The following CAB39 variants were observed in gnomAD, a reference collection of about 807,000 sequenced individuals.
CAB39 encodes calcium binding protein 39.
Under a neutral mutation model 40.0 loss-of-function variants are expected in CAB39, and 8 were observed. The observed-to-expected ratio is 0.20, with a 90% confidence interval of 0.12 to 0.36. The LOEUF (loss-of-function observed/expected upper bound fraction) is 0.36. Among genes scored for constraint, CAB39 ranks in the 10% least tolerant of loss-of-function variants. The pLI is 1.00. For synonymous variants in CAB39, 156 were observed against 141.6 expected (o/e 1.10, Z -0.72); for missense variants, 270 against 401.1 (o/e 0.67, Z 2.79).
At chr2:230,728,021 C>A (rs1694617552) in intron 1 of CAB39, among the ~76,000 whole-genome samples, 1 of 151,910 alleles carries the variant, frequency 6.6e-6, no homozygotes, top group Non-Finnish European at 1.5e-5. Flanking sequence ...GGAAGATCAC[C>A]TGAGGTCAGG....
chr2:230,750,703 A>G (rs1381615019), intron 1 of CAB39, among the ~76,000 whole-genome samples: 1 of 152,238 alleles, frequency 6.6e-6, no homozygotes, highest in Non-Finnish European at 1.5e-5. Context: ...AAGACTTTAG[A>G]TGTAGGCTTA....
In CAB39 at chr2:230,719,067, T is replaced by C. The variant is rs189067872; in HGVS notation, c.-44+5837T>C. Among the ~76,000 whole-genome samples, 4 of 152,358 alleles carry C rather than the reference T, an allele frequency of 2.6e-5. No homozygotes were observed. The East Asian group carries it at 7.7e-4, about 29-fold the overall frequency. On this transcript the variant is annotated intron_variant, in intron 1 of 8. Coordinates refer to ENST00000258418, the MANE Select transcript of CAB39 (RefSeq NM_016289.4). ...TTTTTTAAGGTTTAATATACTAATA[T>C]TCATAATATTTGTGATGTAGCTGGC...
chr2:230,716,462 C>T (rs1396811524), intron 1 of CAB39, among the ~76,000 whole-genome samples: 1 of 152,166 alleles, frequency 6.6e-6, no homozygotes, highest in African/African-American at 2.4e-5. Flanking sequence ...TCCCCAACCC[C>T]CAAAAATAAA....
At chr2:230,808,301 C>T (rs891030622) in intron 5 of CAB39, among the ~76,000 whole-genome samples, 3 of 152,026 alleles carry the variant, frequency 2.0e-5, no homozygotes, top group Admixed American at 6.6e-5. Flanking sequence ...AGACTGGTCT[C>T]GAACTCCTGA....
At chr2:230,785,396 C>T (rs1191225008) in intron 2 of CAB39, among the ~76,000 whole-genome samples, 2 of 102,252 alleles carry the variant, frequency 2.0e-5, no homozygotes, top group Non-Finnish European at 4.0e-5. Flanking sequence ...GGCAGGGGGG[C>T]AGGGGGCGGT....
intron 1 of CAB39, among the ~76,000 whole-genome samples, chr2:230,740,587 C>T (rs1354763680): frequency 6.6e-6 from 1 of 152,098 alleles, no homozygotes; most frequent in Non-Finnish European, 1.5e-5. Flanking sequence ...GGGATGGTTT[C>T]AGGATGAAAC....
Position 230,759,739 on chromosome 2 carries a change from AAAAC to A in CAB39, c.-43-216_-43-213del, listed in dbSNP as rs1368539771. Among the ~76,000 whole-genome samples, 97 of 152,358 alleles carry A rather than the reference AAAAC, an allele frequency of 6.4e-4. 1 individual carries two copies. The highest frequency in any genetic ancestry group is 3.9e-4 in the East Asian group (2 of 5,192). Reference sequence around the variant, plus strand: ...GAGAGCAATTGATTTGAAGGAAAGAAAAACAAAGTGTTTTGAAAAATACAGTGTT... The same window carrying A: ...GAGAGCAATTGATTTGAAGGAAAGAAAAAGTGTTTTGAAAAATACAGTGTT... On this transcript the variant is annotated intron_variant, in intron 1 of 8. Transcript: ENST00000258418.
chr2:230,802,903 T>TA (rs1334804967), intron 5 of CAB39, among the ~76,000 whole-genome samples: 4 of 152,148 alleles, frequency 2.6e-5, no homozygotes, highest in Admixed American at 2.6e-4. Flanking sequence ...CCCTAACTCA[T>TA]TTTATGAGGC....
At chr2:230,718,256 CTTAA>C (rs1334936697) in intron 1 of CAB39, among the ~76,000 whole-genome samples, 2 of 152,162 alleles carry the variant, frequency 1.3e-5, no homozygotes, top group Non-Finnish European at 2.9e-5. Flanking sequence ...GTATCTTGAT[CTTAA>C]TTAAGTTCCT....
chr2:230,764,562 AAATT>A (rs1438069582), intron 2 of CAB39, among the ~76,000 whole-genome samples: 11 of 152,224 alleles, frequency 7.2e-5, no homozygotes, highest in African/African-American at 2.7e-4. Context: ...CAGATTATAA[AAATT>A]AACATTTTTA....
In CAB39 at chr2:230,813,964, T is replaced by A; in HGVS notation, c.628-85T>A. On this transcript the variant is annotated intron_variant, in intron 6 of 8. Transcript: ENST00000258418. The stretch of plus-strand genomic sequence containing the variant: ...AATGTGTCCTTAAGCTAATTTACAA[T>A]GTTACCTACCAGTCTTTTTTTTTTT... 3 of 609,102 alleles carry A rather than the reference T, an allele frequency of 4.9e-6. No individual in the cohort carries two copies. In the South Asian group the frequency reaches 6.3e-5, roughly 13 times the overall value. 37.7% of individuals were successfully genotyped at this position (609,102 alleles called of 1,614,324 possible).
intron 2 of CAB39, among the ~76,000 whole-genome samples, chr2:230,780,367 A>G (rs1695666134): frequency 6.6e-6 from 1 of 152,228 alleles, no homozygotes; most frequent in Admixed American, 6.5e-5. Context: ...GTATAATACT[A>G]TTAACTAATG....
intron 1 of CAB39, among the ~76,000 whole-genome samples, chr2:230,744,136 C>G (rs1213586186): frequency 6.6e-6 from 1 of 152,072 alleles, no homozygotes; most frequent in Non-Finnish European, 1.5e-5. Context: ...CCAGGCTGCT[C>G]TGGAACTCCT....
chr2:230,751,819 GT>G (rs1279645980), intron 1 of CAB39, among the ~76,000 whole-genome samples: 1 of 152,096 alleles, frequency 6.6e-6, no homozygotes, highest in Non-Finnish European at 1.5e-5. Flanking sequence ...TACAAAGCAA[GT>G]AATAAAAAGG....
intron 1 of CAB39, among the ~76,000 whole-genome samples, chr2:230,747,764 A>G (rs912007899): frequency 7.2e-5 from 11 of 152,368 alleles, no homozygotes; most frequent in African/African-American, 2.6e-4. Context: ...AAGTGTATAC[A>G]CATAGGCTGT....
chr2:230,797,229 T>C (rs1696001737), intron 4 of CAB39, among the ~76,000 whole-genome samples: 1 of 152,180 alleles, frequency 6.6e-6, no homozygotes, highest in East Asian at 1.9e-4. Context: ...CTTTGAAGGC[T>C]TTTGAAGCCT....
At chr2:230,728,592 G>A (rs906709696) in intron 1 of CAB39, among the ~76,000 whole-genome samples, 17 of 152,058 alleles carry the variant, frequency 1.1e-4, no homozygotes, top group Admixed American at 7.9e-4. Context: ...ATGAGCCGTC[G>A]CACCCTGCCC....
rs111341924 is a variant in CAB39, at chr2:230,759,905, C to T, written c.-43-54C>T. ...CTTCCCAGATTAGGATTTAGAAAGT[C>T]TGTCTTCCGTTGATCCCAGTGTTTG... On this transcript the variant is annotated intron_variant, in intron 1 of 8. Coordinates refer to ENST00000258418, the MANE Select transcript of CAB39 (RefSeq NM_016289.4). 203 of 611,406 alleles carry T rather than the reference C, an allele frequency of 3.3e-4. 3 individuals carry two copies. In the African/African-American group the frequency reaches 3.3e-3, roughly 10 times the overall value. The allele number at this position is 611,406 out of a possible 1,614,324, so 37.9% of individuals were successfully genotyped here. A position where few individuals can be genotyped will look rare whatever the true frequency, so the allele number is the denominator to read the frequency against.
At chr2:230,799,152 T>C in intron 5 of CAB39, 1 of 404,810 alleles carries the variant, frequency 2.5e-6, no homozygotes, top group Non-Finnish European at 4.4e-6. Context: ...TGTTAAATTA[T>C]AATTAAGTAT....
Sources: gnomAD v4.1 joint callset for allele counts (sites outside exome capture counted in the v4.1 genomes callset) on GRCh38, gnomAD v4.1.1 for gene constraint, MANE v1.5 for transcripts, NCBI Gene and HGNC (gene_info 2026-07-23, HGNC 2026-07-21) for gene names.